CUX1: variants seen among roughly 807,000 people sequenced by gnomAD.
The protein encoded by CUX1 is protein CASP.
Under a neutral mutation model 158.8 loss-of-function variants are expected in CUX1, and 31 were observed. The ratio of observed to expected loss-of-function variants is 0.20; its 90% CI spans 0.15 to 0.26. The LOEUF is 0.26. Ranked by LOEUF, CUX1 falls within the 10% of genes least tolerant of loss-of-function variation. The pLI, the probability that CUX1 is intolerant of heterozygous loss-of-function variation, is 1.00. For missense variants in CUX1, 1,589 were observed against 2,014.6 expected (o/e 0.79, Z 4.04); for synonymous variants, 879 against 862.1 (o/e 1.02, Z -0.34).
intron 1 of CUX1, among the ~76,000 whole-genome samples, chr7:101,876,997 G>A (rs759302622): frequency 2.6e-5 from 4 of 152,070 alleles, no homozygotes; most frequent in Non-Finnish European, 5.9e-5. Context: ...TTGTACATCC[G>A]TGCAGCTTTT....
chr7:102,186,961 G>A (rs1307345956), intron 11 of CUX1: 13 of 152,272 alleles, frequency 8.5e-5, no homozygotes, highest in African/African-American at 3.1e-4. Flanking sequence ...GAACCTGGGA[G>A]GCAGAGGTTG....
rs1460963771 is a variant in CUX1, at chr7:102,252,360, C to G, written c.*3318C>G. The G allele has an allele frequency of 2.0e-6, 2 of 985,410 alleles. No homozygotes were observed. The highest frequency in any genetic ancestry group is 9.4e-5 in the South Asian group (2 of 21,298). 61.0% of individuals were successfully genotyped at this position (985,410 alleles called of 1,614,324 possible). On this transcript the variant is annotated 3_prime_UTR_variant, in exon 24 of 24. Transcript: ENST00000292535. ...GGCTCCCCTTCAGCAGGCTGGCATT[C>G]CAAGCAGTGGCCCCCGCAGGCAGCC...
At chr7:102,085,531 C>G (rs61056959) in intron 4 of CUX1, among the ~76,000 whole-genome samples, 8,451 of 152,220 alleles carry the variant, frequency 0.056, 749 homozygotes, top group African/African-American at 0.19. Context: ...GCTTGTCACT[C>G]CTTCCTGCTG....
At chr7:102,164,199 G>A (rs1423047860) in intron 9 of CUX1, among the ~76,000 whole-genome samples, 1 of 152,186 alleles carries the variant, frequency 6.6e-6, no homozygotes, top group Non-Finnish European at 1.5e-5. Context: ...CCCCTCCGGG[G>A]CCTCCTTTCT....
chr7:101,875,074 C>T (rs1798984448), intron 1 of CUX1, among the ~76,000 whole-genome samples: 1 of 152,158 alleles, frequency 6.6e-6, no homozygotes, highest in African/African-American at 2.4e-5. Flanking sequence ...ACTGGGGCTC[C>T]TTGTCCACTT....
chr7:102,071,024 C>T (rs553789112), intron 4 of CUX1, among the ~76,000 whole-genome samples: 1 of 152,198 alleles, frequency 6.6e-6, no homozygotes, highest in Admixed American at 6.5e-5. Flanking sequence ...GGCACAATCT[C>T]CGCTCACTGC....
intron 3 of CUX1, among the ~76,000 whole-genome samples, chr7:102,060,277 CA>C (rs542920533): frequency 0.16 from 22,115 of 142,256 alleles, 1,680 homozygotes; most frequent in Middle Eastern, 0.23. Context: ...GACTCTGTCT[CA>C]AAAAAAAAAA....
chr7:101,979,673 G>A (rs1034720178), intron 2 of CUX1, among the ~76,000 whole-genome samples: 8 of 151,230 alleles, frequency 5.3e-5, no homozygotes, highest in African/African-American at 7.3e-5. Flanking sequence ...TTTTTGAGAC[G>A]GAGTCTTGCT....
intron 1 of CUX1, among the ~76,000 whole-genome samples, chr7:101,896,452 A>G (rs4236558): frequency 0.86 from 130,601 of 152,242 alleles, 56,148 homozygotes; most frequent in East Asian, 0.99. Context: ...TGTGTAAAGT[A>G]GACCAGTGAA....
At chr7:101,868,596 A>G (rs1798161919) in intron 1 of CUX1, among the ~76,000 whole-genome samples, 1 of 152,212 alleles carries the variant, frequency 6.6e-6, no homozygotes, top group Non-Finnish European at 1.5e-5. Context: ...GTCCACTGCA[A>G]ACCTGATCCT....
chr7:101,860,365 C>T (rs1797309646), intron 1 of CUX1, among the ~76,000 whole-genome samples: 1 of 152,156 alleles, frequency 6.6e-6, no homozygotes. Context: ...ATTATTTTCT[C>T]CATAAATATT....
At chr7:102,216,923 C>G (rs1554525105) in intron 20 of CUX1, among the ~76,000 whole-genome samples, 1 of 151,904 alleles carries the variant, frequency 6.6e-6, no homozygotes, top group East Asian at 1.9e-4. Flanking sequence ...AGTGATTAAT[C>G]TTTGATTACA....
intron 2 of CUX1, among the ~76,000 whole-genome samples, chr7:101,928,257 A>G (rs998063885): frequency 2.0e-5 from 3 of 152,090 alleles, no homozygotes; most frequent in Non-Finnish European, 4.4e-5. Flanking sequence ...TCTTATAGGG[A>G]TTCAGAACAA....
chr7:102,272,611 T>C lies in CUX1; in HGVS notation c.1256-755T>C, dbSNP rs1391177302. Among the ~76,000 whole-genome samples the C allele has an allele frequency of 3.3e-5, 5 of 152,240 alleles. No individual in the cohort carries two copies. In the South Asian group the frequency reaches 1.0e-3, roughly 32 times the overall value. On this transcript the variant is annotated intron_variant, in intron 14 of 22. Transcript: ENST00000292538. ...GCCAAACCTCACCCTCAGGGCTGCC[T>C]GGCTCCTGGGTCACTGAAGTCCTGC...
At chr7:102,069,219 C>T (rs368398294) in intron 3 of CUX1, among the ~76,000 whole-genome samples, 20 of 152,272 alleles carry the variant, frequency 1.3e-4, no homozygotes, top group East Asian at 1.2e-3. Flanking sequence ...CCACCCTGAC[C>T]GCTGCTCAGG....
At chr7:102,081,690 T>C (rs1827434458) in intron 4 of CUX1, among the ~76,000 whole-genome samples, 1 of 146,636 alleles carries the variant, frequency 6.8e-6, no homozygotes, top group South Asian at 2.2e-4. Flanking sequence ...TGGAGTGCAG[T>C]GGCATAATCT....
At position 102,178,333 on chromosome 7, in the gene CUX1, G is replaced by A. The variant is rs1269279227; in HGVS notation, c.829-136G>A. 4.6e-6 allele frequency: 4 copies of A among 860,514 alleles called. No homozygotes were observed. In the Admixed American group the frequency reaches 8.6e-5, roughly 19 times the overall value. The allele number at this position is 860,514 out of a possible 1,614,324, so 53.3% of individuals were successfully genotyped here. Reference sequence around the variant, plus strand: ...GTTGCATAGGGGAAGTGCAAGCAAGGGCAAGAAGTGACATCCTGCCATCAC... The same window carrying A: ...GTTGCATAGGGGAAGTGCAAGCAAGAGCAAGAAGTGACATCCTGCCATCAC... On this transcript the variant is annotated intron_variant, in intron 10 of 23. Transcript: ENST00000292535.
intron 3 of CUX1, among the ~76,000 whole-genome samples, chr7:102,049,842 A>C (rs1026678674): frequency 6.6e-6 from 1 of 152,168 alleles, no homozygotes; most frequent in African/African-American, 2.4e-5. Context: ...TTGGGGACTT[A>C]GGAGAGCAAG....
intron 8 of CUX1, among the ~76,000 whole-genome samples, chr7:102,120,804 C>G (rs1554493174): frequency 1.3e-5 from 2 of 152,190 alleles, no homozygotes; most frequent in Middle Eastern, 3.4e-3. Context: ...TGGCTCACGC[C>G]TATCATCCCA....
Sources: allele counts gnomAD v4.1 joint callset (sites outside exome capture counted in the v4.1 genomes callset), GRCh38; gene constraint gnomAD v4.1.1; transcripts MANE v1.5; gene names NCBI Gene and HGNC (gene_info 2026-07-23, HGNC 2026-07-21).